The following ARAP1 variants were observed in gnomAD, a reference collection of about 807,000 sequenced individuals.
ARAP1 encodes the protein ArfGAP with RhoGAP domain, ankyrin repeat and PH domain 1, also known as arf-GAP with Rho-GAP domain, ANK repeat and PH domain-containing protein 1.
A neutral mutation model predicts 172.2 loss-of-function variants in ARAP1; 76 were observed. The ratio of observed to expected loss-of-function variants is 0.44; its 90% confidence interval spans 0.37 to 0.53. The LOEUF (loss-of-function observed/expected upper bound fraction) is 0.53. Among genes scored for constraint, ARAP1 ranks in the 20% least tolerant of loss-of-function variants. ARAP1 has a pLI of 0.00. For synonymous variants in ARAP1, 804 were observed against 803.3 expected (o/e 1.00, Z -0.01); for missense variants, 1,686 against 1,977.5 (o/e 0.85, Z 2.80).
At chr11:72,685,702 C>T in intron 34 of ARAP1, 21 bp from the exon 35 acceptor site, 1 of 1,613,982 alleles carries the variant, frequency 6.2e-7, no homozygotes, top group South Asian at 1.1e-5. Context: ...GCAAGAGACC[C>T]ACAGGTATTT....
intron 11 of ARAP1, 117 bp downstream of exon 11, chr11:72,709,753 G>T: frequency 1.9e-6 from 2 of 1,060,342 alleles, no homozygotes; most frequent in Non-Finnish European, 1.5e-6. Flanking sequence ...AGGTGGGGCA[G>T]GGCGGGGCAG....
At chr11:72,730,670 A>T (rs1026673067) in intron 2 of ARAP1, among the ~76,000 whole-genome samples, 1 of 152,182 alleles carries the variant, frequency 6.6e-6, no homozygotes, top group African/African-American at 2.4e-5. Flanking sequence ...ATTGCATTCC[A>T]GCCTGGGGGA....
rs796299877 is a variant in ARAP1, at chr11:72,692,854, T to C, written c.3955-69A>G. 1.9e-5 allele frequency: 31 copies of C among 1,593,942 alleles called. No individual in the cohort carries two copies. In the African/African-American group the frequency reaches 2.8e-4, roughly 14 times the overall value. On this transcript the variant is annotated intron_variant, in intron 29 of 34. Coordinates refer to ENST00000393609, the MANE Select transcript of ARAP1 (RefSeq NM_001040118.3). ...AGAGCCAGGACAGCATGTGCAGTGA[T>C]GTGTGGGGTTGGGGTGTGTGTATGG...
At chr11:72,690,497 T>C (rs1480301380) in intron 30 of ARAP1, among the ~76,000 whole-genome samples, 2 of 152,134 alleles carry the variant, frequency 1.3e-5, no homozygotes, top group African/African-American at 2.4e-5. Context: ...CAAGCCATCC[T>C]CCCACTTCAG....
rs1856937064 is a variant in ARAP1, at chr11:72,709,981, A to C, written c.1417-5T>G. The C allele has an allele frequency of 6.2e-7, 1 of 1,610,878 alleles. No homozygotes were observed. The highest frequency in any genetic ancestry group is 1.3e-5 in the African/African-American group (1 of 74,586). Reference sequence around the variant, plus strand: ...GCCAATGCCCAGGTGGTACTCCTGGAGGGCAGATGGGACGGGATGAGGGCA... The same window carrying C: ...GCCAATGCCCAGGTGGTACTCCTGGCGGGCAGATGGGACGGGATGAGGGCA... On this transcript the variant is annotated splice_polypyrimidine_tract_variant and splice_region_variant and intron_variant, in intron 10 of 34. Transcript: ENST00000393609.
At position 72,710,247 on chromosome 11, in the gene ARAP1, G is replaced by A; in HGVS notation, c.1416+138C>T. On this transcript the variant is annotated intron_variant, in intron 10 of 34. Coordinates refer to ENST00000393609, the MANE Select transcript of ARAP1 (RefSeq NM_001040118.3). The surrounding 1 kb of genome is among the most constrained non-coding windows in gnomAD (Gnocchi z 4.3). Reference sequence around the variant, plus strand: ...GGGGAAGTGGTCAGAACTTGGGGGAGCGAGGACATATCCAGGCAAAGGGCT... The same window carrying A: ...GGGGAAGTGGTCAGAACTTGGGGGAACGAGGACATATCCAGGCAAAGGGCT... The A allele has an allele frequency of 5.4e-6, 6 of 1,107,296 alleles. No homozygotes were observed. In the South Asian group the frequency reaches 5.7e-5, roughly 10 times the overall value. 68.6% of individuals were successfully genotyped at this position (1,107,296 alleles called of 1,614,324 possible).
At chr11:72,700,068 G>T in intron 16 of ARAP1, 1 of 163,402 alleles carries the variant, frequency 6.1e-6, no homozygotes, top group Non-Finnish European at 1.4e-5. Context: ...CTGCTACAAT[G>T]GCTCTGAAGG....
chr11:72,750,264 C>T (rs1416755111), intron 1 of ARAP1, among the ~76,000 whole-genome samples: 1 of 152,224 alleles, frequency 6.6e-6, no homozygotes, highest in East Asian at 1.9e-4. Flanking sequence ...GGGCGGGGGG[C>T]CAGGGTCAGC....
intron 1 of ARAP1, among the ~76,000 whole-genome samples, chr11:72,744,503 C>T (rs1004345495): frequency 1.3e-5 from 2 of 152,194 alleles, no homozygotes; most frequent in Non-Finnish European, 2.9e-5. Flanking sequence ...CAACCACCTG[C>T]TCCTTAGGCA....
In ARAP1 at chr11:72,699,292, T is replaced by C. The variant is rs572180210; in HGVS notation, c.2438+125A>G. ...CTCAAGAGACTGGAGTCGGCCCTTG[T>C]GCAGCCTCCGTTTGCTGTGTGACTC... On this transcript the variant is annotated intron_variant, in intron 17 of 34. Coordinates refer to ENST00000393609, the MANE Select transcript of ARAP1 (RefSeq NM_001040118.3). This position sits in a 1 kb window ranked among gnomAD's most constrained non-coding sequence, Gnocchi z 4.2. 1 of 1,485,148 alleles carries C rather than the reference T, an allele frequency of 6.7e-7. No individual in the cohort carries two copies. The highest frequency in any genetic ancestry group is 1.4e-5 in the African/African-American group (1 of 72,118). 92.0% of individuals were successfully genotyped at this position (1,485,148 alleles called of 1,614,324 possible).
chr11:72,694,921 G>C, intron 27 of ARAP1, 59 bp downstream of exon 27: 1 of 1,480,870 alleles, frequency 6.8e-7, no homozygotes, highest in Non-Finnish European at 9.4e-7. Flanking sequence ...GACAGACTGG[G>C]GCTACAGCTG....
At chr11:72,722,022 T>G in intron 3 of ARAP1, 1 of 985,710 alleles carries the variant, frequency 1.0e-6, no homozygotes, top group Non-Finnish European at 1.2e-6. Flanking sequence ...TGCGTTCTCT[T>G]GGAGGTTTTT....
intron 5 of ARAP1, 62 bp from the exon 6 acceptor site, chr11:72,712,630 G>T (rs1412324184): frequency 5.6e-6 from 9 of 1,605,012 alleles, no homozygotes; most frequent in Non-Finnish European, 6.8e-6. Flanking sequence ...ACCCACCCGG[G>T]GCTGCCACGC....
intron 2 of ARAP1, among the ~76,000 whole-genome samples, chr11:72,730,366 G>C (rs1477406422): frequency 6.6e-6 from 1 of 152,220 alleles, no homozygotes; most frequent in Non-Finnish European, 1.5e-5. Flanking sequence ...ACAGGCATTG[G>C]TGATGTGGTA....
At chr11:72,735,756 A>G (rs1329937323) in intron 1 of ARAP1, among the ~76,000 whole-genome samples, 1 of 152,178 alleles carries the variant, frequency 6.6e-6, no homozygotes, top group Non-Finnish European at 1.5e-5. Flanking sequence ...CTGGCTCCCT[A>G]CTGGGCCTCT....
At chr11:72,698,897 C>T in intron 18 of ARAP1, 108 bp downstream of exon 18, 2 of 1,166,112 alleles carry the variant, frequency 1.7e-6, no homozygotes, top group Non-Finnish European at 2.5e-6. Flanking sequence ...TGCCCTGCAT[C>T]TAGCTTCTGC....
At position 72,729,341 on chromosome 11, in the gene ARAP1, C is replaced by T. The variant is rs1857789387; in HGVS notation, c.-44-2169G>A. On this transcript the variant is annotated intron_variant, in intron 2 of 34. Coordinates refer to ENST00000393609, the MANE Select transcript of ARAP1 (RefSeq NM_001040118.3). ...GCAAGGTGGCTCACACCTATAATCC[C>T]AGCACTTAGGGATGCTGAGGCAGGC... 2.6e-5 allele frequency among the ~76,000 whole-genome samples: 4 copies of T among 152,174 alleles called. No homozygotes were observed. The South Asian group carries it at 8.3e-4, about 32-fold the overall frequency.
intron 1 of ARAP1, among the ~76,000 whole-genome samples, chr11:72,736,888 C>T (rs1392971578): frequency 6.6e-6 from 1 of 152,208 alleles, no homozygotes; most frequent in Admixed American, 6.5e-5. Context: ...CAACCCCCAG[C>T]CAGGCTGGGC....
intron 1 of ARAP1, among the ~76,000 whole-genome samples, chr11:72,750,407 C>T (rs1858497410): frequency 6.6e-6 from 1 of 152,096 alleles, no homozygotes. Context: ...GGAGAGAGGG[C>T]TCCGGAAAAT....
Sources: gnomAD v4.1 joint callset for allele counts (sites outside exome capture counted in the v4.1 genomes callset) on GRCh38, gnomAD v4.1.1 for gene constraint, Gnocchi (gnomAD v3.1) non-coding constraint, MANE v1.5 for transcripts, NCBI Gene and HGNC (gene_info 2026-07-23, HGNC 2026-07-21) for gene names.